The following SLC6A16 variants were observed in gnomAD, a reference collection of about 807,000 sequenced individuals.
SLC6A16 encodes orphan sodium- and chloride-dependent neurotransmitter transporter NTT5.
A neutral mutation model predicts 65.4 loss-of-function variants in SLC6A16; 54 were observed. That is an observed-to-expected ratio of 0.83 (90% CI 0.66 to 1.04). SLC6A16 has a LOEUF of 1.04. Among genes scored for constraint, SLC6A16 ranks in the 50% least tolerant of loss-of-function variants. SLC6A16 has a pLI of 0.00. For synonymous variants in SLC6A16, 330 were observed against 346.5 expected (o/e 0.95, Z 0.53); for missense variants, 816 against 914.0 (o/e 0.89, Z 1.38).
chr19:49,297,916 T>C (rs1213982383), intron 7 of SLC6A16, among the ~76,000 whole-genome samples: 1 of 151,916 alleles, frequency 6.6e-6, no homozygotes, highest in Non-Finnish European at 1.5e-5. Context: ...AACAGATTGG[T>C]GATTAATTGG....
rs780561498 is a variant in SLC6A16, at chr19:49,293,371, A to G, written c.1630T>C (p.Leu544=). 1 of 1,614,138 alleles carries G rather than the reference A, an allele frequency of 6.2e-7. No homozygotes were observed. The highest frequency in any genetic ancestry group is 1.1e-5 in the South Asian group (1 of 91,072). The change falls in exon 10 of 12, where the codon TTG becomes CTG. Residue 544 remains leucine (L), a synonymous_variant. Coordinates refer to ENST00000335875, the MANE Select transcript of SLC6A16 (RefSeq NM_014037.3). ...HTKLLIVGVF[L]LMFVCGLFFT... ...AAGAGGCCGCACACGAACATGAGCAAAAAGACTCCCACTGGAGAAAACATG... is the reference window on the plus strand; with the variant it reads ...AAGAGGCCGCACACGAACATGAGCAGAAAGACTCCCACTGGAGAAAACATG...
rs747252975 is a variant in SLC6A16, at chr19:49,309,663, C to T, written c.864G>A (p.Lys288=). Residue 288 remains lysine, a synonymous_variant, in exon 5 of 12, where the codon AAG becomes AAA. Coordinates refer to ENST00000335875, the MANE Select transcript of SLC6A16 (RefSeq NM_014037.3). ...ACTGGTGGCTCACCTTCCCAGTGGA[C>T]TTGAGCCCATTGATCATGAAAGCAC... is the stretch of plus-strand genomic sequence containing the variant. The part of the protein sequence containing the change: ...LVGAFMINGL[K]STGKVIYVLV... 6.2e-7 allele frequency: 1 copy of T among 1,613,496 alleles called. No homozygotes were observed. The highest frequency in any genetic ancestry group is 8.5e-7 in the Non-Finnish European group (1 of 1,179,460).
At chr19:49,333,597 G>A in the SLC6A16 span, among the ~76,000 whole-genome samples, 1 of 152,180 alleles carries the variant, frequency 6.6e-6, no homozygotes, top group South Asian at 2.1e-4. Flanking sequence ...GGACAGACTG[G>A]AGGGAGAAAC....
chr19:49,336,345 C>G, the SLC6A16 span: 2 of 158,904 alleles, frequency 1.3e-5, no homozygotes, highest in African/African-American at 4.8e-5. Context: ...CACTTGAGGT[C>G]AGGAGTTCGA....
intron 1 of SLC6A16, among the ~76,000 whole-genome samples, chr19:49,314,840 A>G (rs2146150128): frequency 6.6e-6 from 1 of 152,348 alleles, no homozygotes; most frequent in African/African-American, 2.4e-5. Flanking sequence ...TGTGCTCAGT[A>G]AAAATGTCAC....
At chr19:49,329,438 A>T (rs1970827194), upstream of SLC6A16, among the ~76,000 whole-genome samples, 1 of 152,006 alleles carries the variant, frequency 6.6e-6, no homozygotes, top group South Asian at 2.1e-4. Flanking sequence ...GTTACAGAGC[A>T]TTAGAAAACT....
intron 6 of SLC6A16, 87 bp from the exon 7 acceptor site, chr19:49,309,204 G>C: frequency 6.3e-7 from 1 of 1,591,440 alleles, no homozygotes; most frequent in South Asian, 1.1e-5. Flanking sequence ...AGGAGAGAGG[G>C]AGATACAAAA....
the SLC6A16 span, chr19:49,336,108 A>G: frequency 2.4e-6 from 1 of 410,554 alleles, no homozygotes; most frequent in South Asian, 4.0e-5. Flanking sequence ...TACAGCAAGG[A>G]CGTAAAAGAG....
intron 1 of SLC6A16, among the ~76,000 whole-genome samples, chr19:49,312,921 T>C (rs543401497): frequency 7.2e-5 from 11 of 152,140 alleles, no homozygotes; most frequent in African/African-American, 2.7e-4. Context: ...TACATCAATA[T>C]ACAGAAGATG....
At chr19:49,290,916 CT>C in intron 10 of SLC6A16, 149 bp from the exon 11 acceptor site, 1 of 736,176 alleles carries the variant, frequency 1.4e-6, no homozygotes, top group Non-Finnish European at 2.2e-6. Flanking sequence ...CATCTTCCCC[CT>C]AGTCAGTCTG....
At chr19:49,334,762 G>A in the SLC6A16 span, among the ~76,000 whole-genome samples, 2 of 152,078 alleles carry the variant, frequency 1.3e-5, no homozygotes, top group African/African-American at 4.8e-5. Flanking sequence ...GCATGGTAGT[G>A]TGCACCTGTA....
chr19:49,333,664 G>A, the SLC6A16 span, among the ~76,000 whole-genome samples: 2 of 152,158 alleles, frequency 1.3e-5, no homozygotes, highest in Non-Finnish European at 2.9e-5. Flanking sequence ...GGAGCCCAGA[G>A]CCTGCCTGAG....
chr19:49,299,642 T>C (rs1159798155), intron 7 of SLC6A16, among the ~76,000 whole-genome samples: 2 of 145,572 alleles, frequency 1.4e-5, no homozygotes, highest in Non-Finnish European at 3.0e-5. Flanking sequence ...TAGCAATCTA[T>C]ATCCAGATAC....
intron 1 of SLC6A16, among the ~76,000 whole-genome samples, chr19:49,313,248 G>A (rs1442259579): frequency 1.3e-5 from 2 of 152,002 alleles, no homozygotes; most frequent in Non-Finnish European, 2.9e-5. Context: ...CTGCAGCCTT[G>A]AACTCCTGGG....
intron 7 of SLC6A16, among the ~76,000 whole-genome samples, chr19:49,305,484 C>T (rs769825401): frequency 1.5e-4 from 23 of 150,376 alleles, no homozygotes; most frequent in Non-Finnish European, 3.1e-4. Flanking sequence ...CCCAGCTACT[C>T]GGGAAGGTGA....
chr19:49,339,933 C>T, the SLC6A16 span: 2 of 1,372,504 alleles, frequency 1.5e-6, no homozygotes, highest in African/African-American at 2.9e-5. The surrounding 1 kb of genome is among the most constrained non-coding windows in gnomAD (Gnocchi z 4.5). Context: ...GAAGTGCGGG[C>T]GCAGAATTAG....
the SLC6A16 span, chr19:49,331,562 A>C: frequency 0.012 from 4,226 of 354,238 alleles, 146 homozygotes; most frequent in African/African-American, 0.07. Flanking sequence ...AGGTTAGCTG[A>C]TTTAACAAAC....
At chr19:49,339,823 G>A in the SLC6A16 span, 1 of 1,344,224 alleles carries the variant, frequency 7.4e-7, no homozygotes, top group Non-Finnish European at 9.6e-7. This position sits in a 1 kb window ranked among gnomAD's most constrained non-coding sequence, Gnocchi z 4.5. Context: ...CATGGCGGGT[G>A]CCTGCCCCAA....
intron 7 of SLC6A16, among the ~76,000 whole-genome samples, chr19:49,298,308 A>G (rs1970221996): frequency 6.6e-6 from 1 of 152,206 alleles, no homozygotes; most frequent in Non-Finnish European, 1.5e-5. Flanking sequence ...AAGAAACTCA[A>G]CATGAAGGAG....
Sources: gnomAD v4.1 joint callset for allele counts (sites outside exome capture counted in the v4.1 genomes callset) on GRCh38, gnomAD v4.1.1 for gene constraint, Gnocchi (gnomAD v3.1) non-coding constraint, MANE v1.5 for transcripts, NCBI Gene and HGNC (gene_info 2026-07-23, HGNC 2026-07-21) for gene names.